The following PMS2 variants were observed in gnomAD, a reference collection of about 807,000 sequenced individuals.
PMS2 encodes PMS1 homolog 2, mismatch repair system component, also known as mismatch repair endonuclease PMS2.
Under a neutral mutation model 90.0 loss-of-function variants are expected in PMS2, and 69 were observed. The observed-to-expected ratio is 0.77, with a 90% CI of 0.63 to 0.94. The LOEUF (loss-of-function observed/expected upper bound fraction) is 0.94. PMS2 is among the 40% of genes least tolerant of loss of function. The pLI, the probability that PMS2 is intolerant of heterozygous loss-of-function variation, is 0.00. For synonymous variants in PMS2, 332 were observed against 375.1 expected, an observed-to-expected ratio of 0.89 and a Z score of 1.33; for missense variants, 966 against 1,040.2, an observed-to-expected ratio of 0.93 and a Z score of 0.98.
chr7:5,996,657 G>A (rs940775908), intron 7 of PMS2, among the ~76,000 whole-genome samples: 3 of 149,214 alleles, frequency 2.0e-5, no homozygotes, highest in Non-Finnish European at 1.5e-5. Flanking sequence ...TCCTATTTAT[G>A]GAAGTGTCTA....
intron 8 of PMS2, 74 bp from the exon 9 acceptor site, chr7:5,992,131 A>T (rs1783825250): frequency 1.2e-6 from 1 of 815,734 alleles, no homozygotes; most frequent in African/African-American, 1.7e-5. Flanking sequence ...ACAACATTCT[A>T]TTCTAACCAA....
rs63750246 is a variant in PMS2, at chr7:5,995,573, CTG to C, written c.862_863del (p.Gln288ValfsTer10). The C allele has an allele frequency of 1.2e-6, 2 of 1,613,998 alleles. No homozygotes were observed. The highest frequency in any genetic ancestry group is 1.7e-6 in the Non-Finnish European group (2 of 1,179,910). On this transcript the variant is annotated frameshift_variant, in exon 8 of 15. Transcript: ENST00000265849. LOFTEE classifies it high-confidence loss of function. ...HGVGRSSTDRQFFFINRRPCD... is the reference protein window; with the variant it reads ...HGVGRSSTDRXFFFINRRPCD... The stretch of plus-strand genomic sequence containing the variant: ...AAGGCCGCCGGTTGATAAAGAAAAA[CTG>C]TCTGTCTGTTGAACTCCTTCCAACT...
rs369763423 is a variant in PMS2 at position 5,995,553 on chromosome 7, C to T, written c.884G>A (p.Arg295Gln). The change falls in exon 8 of 15, where the codon CGG becomes CAG. Residue 295 changes from arginine to glutamine, a missense_variant. By Grantham distance (43) the Arg-to-Gln change is conservative. Coordinates refer to ENST00000265849, the MANE Select transcript of PMS2 (RefSeq NM_000535.7). ...AAATACCTTTGCTGGGTCACAAGGCCGCCGGTTGATAAAGAAAAACTGTCT... is the reference window on the plus strand; with the variant it reads ...AAATACCTTTGCTGGGTCACAAGGCTGCCGGTTGATAAAGAAAAACTGTCT... Reference protein sequence around the residue: ...TDRQFFFINRRPCDPAKVCRL... With the variant: ...TDRQFFFINRQPCDPAKVCRL... The T allele has an allele frequency of 6.8e-6, 11 of 1,613,392 alleles. No homozygotes were observed. The highest frequency in any genetic ancestry group is 2.2e-5 in the East Asian group (1 of 44,894).
Position 6,003,724 on chromosome 7 carries a change from G to A in PMS2, c.319C>T (p.Arg107Trp), listed in dbSNP as rs188006077. The A allele has an allele frequency of 8.1e-6, 13 of 1,598,850 alleles. No homozygotes were observed. Among genetic ancestry groups the A allele is most frequent in the East Asian group, 2.2e-5 (1 of 44,850 alleles). Reference sequence around the variant, plus strand: ...CAAAGTGAGCTCAGAGCTTCCCCCCGAAAGCCAAAAGTTTCAACCTGAGTT... The same window carrying A: ...CAAAGTGAGCTCAGAGCTTCCCCCCAAAAGCCAAAAGTTTCAACCTGAGTT... The part of the protein sequence containing the change: ...DLTQVETFGF[R>W]GEALSSLCAL... Residue 107 changes from arginine (R) to tryptophan (W), a missense_variant, in exon 4 of 15, where the codon CGG becomes TGG. Arg to Trp is a moderately radical substitution (Grantham distance 101, BLOSUM62 -3). Transcript: ENST00000265849.
In PMS2 at chr7:6,001,389, T is replaced by TG. The variant is rs397888882; in HGVS notation, c.537+1063dup. On this transcript the variant is annotated intron_variant, in intron 5 of 14. Coordinates refer to ENST00000265849, the MANE Select transcript of PMS2 (RefSeq NM_000535.7). Reference sequence around the variant, plus strand: ...AGAAATATTCTTTTTTTTTTTTTTTTGAGATGGGGTCTGGCTCTGTGCCCA... The same window carrying TG: ...AGAAATATTCTTTTTTTTTTTTTTTTGGAGATGGGGTCTGGCTCTGTGCCCA... Among the ~76,000 whole-genome samples, 33 of 151,254 alleles carry TG rather than the reference T, an allele frequency of 2.2e-4. 1 individual carries two copies. The highest frequency in any genetic ancestry group is 7.3e-4 in the African/African-American group (30 of 41,280).
At position 6,005,781 on chromosome 7, in the gene PMS2, T is replaced by C. The variant is rs1189457565; in HGVS notation, c.163+111A>G. ...GGTGCTAACTTCAACTTAAAAATAA[T>C]AATTTATTACTACATCAACACTTGA... On this transcript the variant is annotated intron_variant, in intron 2 of 14. Coordinates refer to ENST00000265849, the MANE Select transcript of PMS2 (RefSeq NM_000535.7). 10 of 1,537,796 alleles carry C rather than the reference T, an allele frequency of 6.5e-6. No homozygotes were observed. The Admixed American group carries it at 8.6e-5, about 13-fold the overall frequency.
Position 6,004,024 on chromosome 7 carries a change from A to G in PMS2, c.198T>C (p.Ile66=), listed in dbSNP as rs1554305014. The part of the protein sequence containing the change: ...LKLKDYGVDL[I]EVSDNGCGVE... The stretch of plus-strand genomic sequence containing the variant: ...CCCCACATCCATTGTCTGAAACTTC[A>G]ATAAGATCCACTCCATAGTCCTTAA... The change falls in exon 3 of 15, where the codon ATT becomes ATC. Residue 66 remains isoleucine, a synonymous_variant. Coordinates refer to ENST00000265849, the MANE Select transcript of PMS2 (RefSeq NM_000535.7). The G allele has an allele frequency of 4.4e-6, 7 of 1,603,272 alleles. No individual in the cohort carries two copies. The highest frequency in any genetic ancestry group is 6.0e-6 in the Non-Finnish European group (7 of 1,171,942).
In PMS2 at chr7:5,999,048, T is replaced by C. The variant is rs1386440928; in HGVS notation, c.705+60A>G. 1.3e-5 allele frequency: 20 copies of C among 1,515,336 alleles called. No individual in the cohort carries two copies. In the East Asian group the frequency reaches 1.6e-4, roughly 12 times the overall value. The allele number at this position is 1,515,336 out of a possible 1,614,324, so 93.9% of individuals were successfully genotyped here. On this transcript the variant is annotated intron_variant, in intron 6 of 14. Transcript: ENST00000265849. The stretch of plus-strand genomic sequence containing the variant: ...TTCTCCATTCTACTGGAAGGGACAA[T>C]GGAAACCCGCTATAATCACTAGAGC...
At chr7:5,999,749 T>C (rs964390480) in intron 5 of PMS2, among the ~76,000 whole-genome samples, 21 of 151,776 alleles carry the variant, frequency 1.4e-4, no homozygotes, top group African/African-American at 4.1e-4. Flanking sequence ...TGAGCCATGA[T>C]TGCACCACTG....
At chr7:5,985,264 A>ATTTTT (rs142453627) in intron 11 of PMS2, among the ~76,000 whole-genome samples, 1 of 116,788 alleles carries the variant, frequency 8.6e-6, no homozygotes, top group Non-Finnish European at 1.7e-5. Context: ...TACTTAGCTA[A>ATTTTT]TTTTTTTTTT....
chr7:5,977,023 T>G (rs1314605410), intron 14 of PMS2, among the ~76,000 whole-genome samples: 1 of 114,748 alleles, frequency 8.7e-6, no homozygotes, highest in Non-Finnish European at 1.9e-5. Context: ...AGAGGGAGAA[T>G]CTGTCTAAAA....
At chr7:5,981,351 C>T (rs1193504536) in intron 12 of PMS2, among the ~76,000 whole-genome samples, 1 of 149,852 alleles carries the variant, frequency 6.7e-6, no homozygotes, top group Non-Finnish European at 1.5e-5. Context: ...CTCAAACGAT[C>T]CTCCCACCTC....
At chr7:6,000,320 G>A (rs975861883) in intron 5 of PMS2, among the ~76,000 whole-genome samples, 7 of 146,798 alleles carry the variant, frequency 4.8e-5, no homozygotes, top group Admixed American at 1.4e-4. Context: ...GCTGCGGTAA[G>A]CTGAGATTGT....
At chr7:5,984,532 C>T (rs1274022959) in intron 11 of PMS2, among the ~76,000 whole-genome samples, 1 of 151,678 alleles carries the variant, frequency 6.6e-6, no homozygotes, top group Non-Finnish European at 1.5e-5. Flanking sequence ...GTAATGTAAT[C>T]CCAGCACTTT....
chr7:5,991,232 C>G (rs1046980817), intron 9 of PMS2, among the ~76,000 whole-genome samples: 1 of 151,388 alleles, frequency 6.6e-6, no homozygotes, highest in Non-Finnish European at 1.5e-5. Flanking sequence ...GGATAAAGAG[C>G]AGTATACAAA....
chr7:5,996,204 T>C (rs1784372889), intron 7 of PMS2, among the ~76,000 whole-genome samples: 1 of 151,726 alleles, frequency 6.6e-6, no homozygotes, highest in South Asian at 2.1e-4. Flanking sequence ...CAAAAGCAAG[T>C]GGAGGAAGAG....
chr7:5,998,174 C>A (rs966758915), intron 6 of PMS2, among the ~76,000 whole-genome samples: 1 of 150,790 alleles, frequency 6.6e-6, no homozygotes, highest in Non-Finnish European at 1.5e-5. Context: ...CTCCATCTCC[C>A]GGGTTCCAGC....
rs1002919357 is a variant in PMS2 at position 6,001,532 on chromosome 7, A to T, written c.537+921T>A. On this transcript the variant is annotated intron_variant, in intron 5 of 14. Coordinates refer to ENST00000265849, the MANE Select transcript of PMS2 (RefSeq NM_000535.7). ...ACTACAGGCACATGCCACCATGCCCAGCTAATTTTTGTATTTTTAGTAGAG... is the reference window on the plus strand; with the variant it reads ...ACTACAGGCACATGCCACCATGCCCTGCTAATTTTTGTATTTTTAGTAGAG... Among the ~76,000 whole-genome samples, 58 of 152,020 alleles carry T rather than the reference A, an allele frequency of 3.8e-4. 2 individuals carry two copies. The highest frequency in any genetic ancestry group is 3.7e-3 in the Admixed American group (57 of 15,262).
At chr7:6,002,720 C>T in intron 4 of PMS2, 84 bp from the exon 5 acceptor site, 1 of 1,103,574 alleles carries the variant, frequency 9.1e-7, no homozygotes, top group Non-Finnish European at 1.4e-6. Context: ...ACTTGCTTTT[C>T]TCTCAAAATT....
Sources: gnomAD v4.1 joint callset for allele counts (sites outside exome capture counted in the v4.1 genomes callset) on GRCh38, gnomAD v4.1.1 for gene constraint, MANE v1.5 for transcripts, NCBI Gene and HGNC (gene_info 2026-07-23, HGNC 2026-07-21) for gene names.